The following ZFAT variants were observed in gnomAD, a reference collection of about 807,000 sequenced individuals.
ZFAT encodes the protein zinc finger protein ZFAT.
A neutral mutation model predicts 117.7 loss-of-function variants in ZFAT; 64 were observed. The observed-to-expected ratio is 0.54, with a 90% CI of 0.44 to 0.67. The LOEUF is 0.67. Among genes scored for constraint, ZFAT ranks in the 30% least tolerant of loss-of-function variants. The pLI is 0.00. For missense variants in ZFAT, 1,433 were observed against 1,584.5 expected (o/e 0.90, Z 1.62); for synonymous variants, 679 against 615.0 (o/e 1.10, Z -1.54).
chr8:134,787,949 A>G, the ZFAT span, among the ~76,000 whole-genome samples: 1 of 152,202 alleles, frequency 6.6e-6, no homozygotes, highest in Non-Finnish European at 1.5e-5. Context: ...TTGATAAGTT[A>G]TTTTGTTTGT....
At chr8:134,483,163 C>G (rs892254955) in intron 15 of ZFAT, among the ~76,000 whole-genome samples, 2 of 152,210 alleles carry the variant, frequency 1.3e-5, no homozygotes, top group Admixed American at 1.3e-4. Flanking sequence ...CTTGCTCCCA[C>G]GGCACCCAAT....
chr8:134,750,342 A>T, the ZFAT span, among the ~76,000 whole-genome samples: 2 of 107,052 alleles, frequency 1.9e-5, no homozygotes, highest in African/African-American at 3.7e-5. Flanking sequence ...TGTTATCAGT[A>T]ATAGTTTAGC....
the ZFAT span, among the ~76,000 whole-genome samples, chr8:134,800,360 G>A: frequency 6.6e-6 from 1 of 152,086 alleles, no homozygotes; most frequent in Non-Finnish European, 1.5e-5. Context: ...ACATATTCAA[G>A]TAGATCCCTG....
chr8:134,721,070 C>T, the ZFAT span, among the ~76,000 whole-genome samples: 3 of 152,322 alleles, frequency 2.0e-5, no homozygotes, highest in African/African-American at 7.2e-5. Context: ...TCTGCTGTGG[C>T]TCTATCATCC....
intron 14 of ZFAT, among the ~76,000 whole-genome samples, chr8:134,511,995 TGGA>T (rs1027749516): frequency 9.2e-5 from 14 of 152,242 alleles, no homozygotes; most frequent in African/African-American, 3.4e-4. Context: ...CTGTAGGCCC[TGGA>T]GGAGATGTCC....
At chr8:134,699,000 G>A (rs955022093) in intron 1 of ZFAT, among the ~76,000 whole-genome samples, 5 of 152,190 alleles carry the variant, frequency 3.3e-5, no homozygotes, top group African/African-American at 1.2e-4. Context: ...AGAAGAAGAG[G>A]AGAGTGAGAT....
intron 2 of ZFAT, among the ~76,000 whole-genome samples, chr8:134,649,204 C>G (rs993411295): frequency 6.8e-6 from 1 of 147,704 alleles, no homozygotes; most frequent in Non-Finnish European, 1.5e-5. Flanking sequence ...CACACACACC[C>G]CATCATACTT....
chr8:134,622,368 G>T lies in ZFAT; in HGVS notation c.449-11713C>A, dbSNP rs575509309. Among the ~76,000 whole-genome samples, 6 of 152,270 alleles carry T rather than the reference G, an allele frequency of 3.9e-5. No individual in the cohort carries two copies. The East Asian group carries it at 9.6e-4, about 24-fold the overall frequency. On this transcript the variant is annotated intron_variant, in intron 3 of 15. Transcript: ENST00000377838. Reference sequence around the variant, plus strand: ...TGGAAAAGACAGCATTTGAAAAAGTGATGACATCGCACAACGTGGAATGCA... The same window carrying T: ...TGGAAAAGACAGCATTTGAAAAAGTTATGACATCGCACAACGTGGAATGCA...
intron 1 of ZFAT, among the ~76,000 whole-genome samples, chr8:134,692,868 G>A (rs980518922): frequency 6.6e-6 from 1 of 152,186 alleles, no homozygotes; most frequent in Non-Finnish European, 1.5e-5. Flanking sequence ...GTCCAGGACT[G>A]AGCAAATAAG....
intron 1 of ZFAT, among the ~76,000 whole-genome samples, chr8:134,687,093 T>A (rs1217968439): frequency 6.6e-6 from 1 of 152,142 alleles, no homozygotes; most frequent in Non-Finnish European, 1.5e-5. Flanking sequence ...CCCTCCTGCC[T>A]CCTGCTGCTC....
At chr8:134,664,172 C>T (rs1832086288) in intron 1 of ZFAT, among the ~76,000 whole-genome samples, 1 of 151,976 alleles carries the variant, frequency 6.6e-6, no homozygotes, top group Non-Finnish European at 1.5e-5. Flanking sequence ...ATTCAATCCC[C>T]CACCTCTCTG....
At chr8:134,817,579 T>C in the ZFAT span, among the ~76,000 whole-genome samples, 1 of 152,160 alleles carries the variant, frequency 6.6e-6, no homozygotes, top group Non-Finnish European at 1.5e-5. Flanking sequence ...TGCTATACCA[T>C]GTTCATGGGT....
chr8:134,717,900 G>A (rs895688601), upstream of ZFAT, among the ~76,000 whole-genome samples: 2 of 151,984 alleles, frequency 1.3e-5, no homozygotes, highest in African/African-American at 4.8e-5. Flanking sequence ...TTACCATGTT[G>A]GCCAGGCTGG....
chr8:134,705,721 T>C (rs1343852340), intron 1 of ZFAT, among the ~76,000 whole-genome samples: 1 of 150,884 alleles, frequency 6.6e-6, no homozygotes, highest in African/African-American at 2.4e-5. Flanking sequence ...TAAGTTTCAG[T>C]AGAGACAGGG....
chr8:134,700,907 G>A lies in ZFAT; in HGVS notation c.19+11938C>T, dbSNP rs544571398. On this transcript the variant is annotated intron_variant, in intron 1 of 15. Transcript: ENST00000377838. ...TCAAATCGAGAGACAGGGTTGTGTCGCCATCACCACAGTCAAGACACAGAC... is the reference window on the plus strand; with the variant it reads ...TCAAATCGAGAGACAGGGTTGTGTCACCATCACCACAGTCAAGACACAGAC... Among the ~76,000 whole-genome samples, 96 of 152,180 alleles carry A rather than the reference G, an allele frequency of 6.3e-4. 1 individual carries two copies. The highest frequency in any genetic ancestry group is 2.2e-3 in the African/African-American group (91 of 41,498).
chr8:134,550,166 G>A (rs185520404), intron 11 of ZFAT, among the ~76,000 whole-genome samples: 37 of 152,258 alleles, frequency 2.4e-4, no homozygotes, highest in Non-Finnish European at 1.0e-4. Context: ...TGAAAGTGGA[G>A]AGGCTCAAGG....
intron 11 of ZFAT, among the ~76,000 whole-genome samples, chr8:134,556,102 G>GAAAAGAAAAAGA (rs377637329): frequency 6.7e-6 from 1 of 150,370 alleles, no homozygotes; most frequent in African/African-American, 2.5e-5. Context: ...AAAAGAAAAG[G>GAAAAGAAAAAGA]AAAAGAAAAA....
the ZFAT span, among the ~76,000 whole-genome samples, chr8:134,751,759 G>A: frequency 6.6e-6 from 1 of 152,130 alleles, no homozygotes; most frequent in Admixed American, 6.5e-5. Flanking sequence ...AGGAGGCCTG[G>A]ACATGGTTTG....
intron 1 of ZFAT, among the ~76,000 whole-genome samples, chr8:134,682,580 G>A (rs1331254227): frequency 1.3e-5 from 2 of 152,332 alleles, no homozygotes; most frequent in South Asian, 2.1e-4. Flanking sequence ...GCTTGAGCCT[G>A]GAAGGCGGAG....
Sources: allele counts gnomAD v4.1 joint callset (sites outside exome capture counted in the v4.1 genomes callset), GRCh38; gene constraint gnomAD v4.1.1; transcripts MANE v1.5; gene names NCBI Gene and HGNC (gene_info 2026-07-23, HGNC 2026-07-21).